Variants in LYRM4 observed in about 807,000 individuals in gnomAD.
LYRM4 encodes the protein LYR motif containing 4, also known as LYR motif-containing protein 4.
Under a neutral mutation model 11.7 loss-of-function variants are expected in LYRM4, and 9 were observed. The ratio of observed to expected loss-of-function variants is 0.77; its 90% confidence interval spans 0.46 to 1.34. The LOEUF is 1.34. Ranked by LOEUF, LYRM4 falls within the 40% of genes most tolerant of loss-of-function variation. LYRM4 has a pLI of 0.00. For synonymous variants in LYRM4, 42 were observed against 40.4 expected (o/e 1.04, Z -0.15); for missense variants, 133 against 112.5 (o/e 1.18, Z -0.82).
At chr6:5,152,369 CACAA>C (rs1165918360) in intron 2 of LYRM4, among the ~76,000 whole-genome samples, 4 of 152,156 alleles carry the variant, frequency 2.6e-5, no homozygotes, top group African/African-American at 4.8e-5. Context: ...GGGAAACACC[CACAA>C]ACAATGAATG....
intron 1 of LYRM4, among the ~76,000 whole-genome samples, chr6:5,248,386 G>A (rs184833061): frequency 2.6e-5 from 4 of 152,336 alleles, no homozygotes; most frequent in African/African-American, 7.2e-5. Flanking sequence ...TATGGGGTGA[G>A]CTAGCTAAAG....
At chr6:5,089,428 T>A in the LYRM4 span, 1 of 152,210 alleles carries the variant, frequency 6.6e-6, no homozygotes. Flanking sequence ...AAGCAACATT[T>A]TGAATTGTTT....
At chr6:5,225,068 G>T (rs1441264476) in intron 1 of LYRM4, among the ~76,000 whole-genome samples, 1 of 152,032 alleles carries the variant, frequency 6.6e-6, no homozygotes, top group Non-Finnish European at 1.5e-5. Context: ...GGCCAACATG[G>T]AGAAACCCCG....
chr6:5,119,809 A>AAAAAAAAC (rs1763331941), intron 2 of LYRM4, among the ~76,000 whole-genome samples: 1 of 151,248 alleles, frequency 6.6e-6, no homozygotes, highest in African/African-American at 2.4e-5. Flanking sequence ...AAAAAAAAAA[A>AAAAAAAAC]AAAAAAAAAA....
intron 2 of LYRM4, among the ~76,000 whole-genome samples, chr6:5,162,968 G>A (rs529053969): frequency 1.1e-4 from 16 of 152,096 alleles, no homozygotes; most frequent in African/African-American, 3.6e-4. Context: ...TAAAAAAATC[G>A]ATTTGTAGGA....
chr6:5,112,633 A>T (rs1762935320), intron 2 of LYRM4, among the ~76,000 whole-genome samples: 2 of 152,258 alleles, frequency 1.3e-5, no homozygotes, highest in South Asian at 4.1e-4. Flanking sequence ...GGCTGCAGAA[A>T]TCTCTGAGTC....
At chr6:5,231,260 A>G (rs1005865068) in intron 1 of LYRM4, among the ~76,000 whole-genome samples, 1 of 152,212 alleles carries the variant, frequency 6.6e-6, no homozygotes, top group African/African-American at 2.4e-5. Flanking sequence ...TCAGGTGTAC[A>G]GTAACCTCAA....
chr6:5,123,473 CTGAG>C (rs1435858800), intron 2 of LYRM4, among the ~76,000 whole-genome samples: 1 of 152,220 alleles, frequency 6.6e-6, no homozygotes, highest in Admixed American at 6.5e-5. Context: ...TAGGAGACAT[CTGAG>C]TATACGTATA....
chr6:5,059,872 C>T, the LYRM4 span, among the ~76,000 whole-genome samples: 1 of 151,414 alleles, frequency 6.6e-6, no homozygotes, highest in Middle Eastern at 3.2e-3. Flanking sequence ...GTAAGCATAG[C>T]TCATTGCAGC....
chr6:5,116,837 G>A (rs1288133345), intron 2 of LYRM4, among the ~76,000 whole-genome samples: 1 of 152,226 alleles, frequency 6.6e-6, no homozygotes, highest in Non-Finnish European at 1.5e-5. Flanking sequence ...ACCTGCAGGG[G>A]AGGAAGGAGC....
chr6:5,082,312 A>T, the LYRM4 span, among the ~76,000 whole-genome samples: 5 of 152,316 alleles, frequency 3.3e-5, no homozygotes, highest in Non-Finnish European at 7.4e-5. Context: ...ACCCTGTTGG[A>T]GAACTGGTGT....
chr6:5,085,884 G>A, the LYRM4 span: 13 of 1,531,540 alleles, frequency 8.5e-6, no homozygotes, highest in Non-Finnish European at 1.1e-5. Flanking sequence ...AGCGGGTGCA[G>A]TTCGCGGACA....
chr6:5,044,861 A>G, the LYRM4 span, among the ~76,000 whole-genome samples: 1 of 152,324 alleles, frequency 6.6e-6, no homozygotes, highest in East Asian at 1.9e-4. Flanking sequence ...CAATTTTTAA[A>G]TGGCTGCTAC....
At chr6:5,086,646 G>A in the LYRM4 span, 4 of 1,164,408 alleles carry the variant, frequency 3.4e-6, no homozygotes, top group Admixed American at 5.6e-5. Flanking sequence ...TTGCTGGGAC[G>A]CTTTGCTGAG....
intron 1 of LYRM4, among the ~76,000 whole-genome samples, chr6:5,257,510 G>A (rs1764732929): frequency 1.3e-5 from 2 of 152,166 alleles, no homozygotes; most frequent in Admixed American, 6.5e-5. Context: ...TCTCTCTCCA[G>A]GGCTTGGTAT....
chr6:5,250,213 A>C (rs1764367224), intron 1 of LYRM4, among the ~76,000 whole-genome samples: 1 of 151,878 alleles, frequency 6.6e-6, no homozygotes, highest in African/African-American at 2.4e-5. Flanking sequence ...ATATTTTACT[A>C]TATGTATTTT....
chr6:5,179,073 A>C (rs1190378206), intron 2 of LYRM4, among the ~76,000 whole-genome samples: 152 of 54,828 alleles, frequency 2.8e-3, no homozygotes, highest in African/African-American at 5.2e-3. Context: ...AACAAAAAAA[A>C]AAAAAAAAAA....
chr6:5,232,141 C>G (rs775312695), intron 1 of LYRM4, among the ~76,000 whole-genome samples: 6 of 152,122 alleles, frequency 3.9e-5, no homozygotes, highest in Non-Finnish European at 5.9e-5. Flanking sequence ...AAAATGCAGT[C>G]TCAAAAAAAA....
At chr6:5,123,169 G>T (rs1763538845) in intron 2 of LYRM4, among the ~76,000 whole-genome samples, 1 of 152,218 alleles carries the variant, frequency 6.6e-6, no homozygotes, top group African/African-American at 2.4e-5. Context: ...GCCTGACAGG[G>T]CCTCAGCTGG....
Sources: allele counts gnomAD v4.1 joint callset (sites outside exome capture counted in the v4.1 genomes callset), GRCh38; gene constraint gnomAD v4.1.1; transcripts MANE v1.5; gene names NCBI Gene and HGNC (gene_info 2026-07-23, HGNC 2026-07-21).